Variants in ACTN2 observed in about 807,000 individuals in gnomAD.
ACTN2 encodes alpha-actinin-2.
A neutral mutation model predicts 113.8 loss-of-function variants in ACTN2; 39 were observed. The ratio of observed to expected loss-of-function variants is 0.34; its 90% CI spans 0.27 to 0.45. The LOEUF is 0.45. Ranked by LOEUF, ACTN2 falls within the 20% of genes least tolerant of loss-of-function variation. ACTN2 has a pLI of 1.00. For synonymous variants in ACTN2, 429 were observed against 444.1 expected (o/e 0.97, Z 0.43); for missense variants, 992 against 1,177.9 (o/e 0.84, Z 2.31).
chr1:236,731,157 G>A, intron 6 of ACTN2, 76 bp from the exon 7 acceptor site: 1 of 1,129,408 alleles, frequency 8.9e-7, no homozygotes, highest in Non-Finnish European at 1.3e-6. Context: ...CTAAAGTGAG[G>A]TACATAAGAA....
chr1:236,761,182 T>C lies in ACTN2; in HGVS notation c.2526+9T>C, dbSNP rs1246614050. ...TCCTGGCTTCTGATAAGGTCTGCAT[T>C]GACAGATTTCCTTCTGCTTTAGCAG... On this transcript the variant is annotated intron_variant, in intron 20 of 20. Transcript: ENST00000366578. 2 of 1,614,002 alleles carry C rather than the reference T, an allele frequency of 1.2e-6. No individual in the cohort carries two copies. The highest frequency in any genetic ancestry group is 1.3e-5 in the African/African-American group (1 of 74,934).
Position 236,737,298 on chromosome 1 carries a change from C to CATATATATAT in ACTN2, c.876+95_876+104dup, listed in dbSNP as rs67318171. 252 of 344,248 alleles carry CATATATATAT rather than the reference C, an allele frequency of 7.3e-4. 18 individuals are homozygous for CATATATATAT. The highest frequency in any genetic ancestry group is 9.0e-4 in the Non-Finnish European group (150 of 166,366). 21.3% of individuals were successfully genotyped at this position (344,248 alleles called of 1,614,324 possible). A position where few individuals can be genotyped will look rare whatever the true frequency, so the allele number is the denominator to read the frequency against. On this transcript the variant is annotated intron_variant, in intron 9 of 20. Coordinates refer to ENST00000366578, the MANE Select transcript of ACTN2 (RefSeq NM_001103.4). ...AGGGTGAAAAAATACTCCGTGGGGG[C>CATATATATAT]ATATATATATATATATATATTTTGC...
At chr1:236,735,485 G>T in intron 7 of ACTN2, 150 bp from the exon 8 acceptor site, 1 of 731,340 alleles carries the variant, frequency 1.4e-6, no homozygotes. Flanking sequence ...GCCTTCCTGA[G>T]GTTCGGGACC....
chr1:236,719,385 T>A (rs1360466471), intron 3 of ACTN2, among the ~76,000 whole-genome samples: 1 of 152,230 alleles, frequency 6.6e-6, no homozygotes, highest in Non-Finnish European at 1.5e-5. Context: ...AGCTGAGATT[T>A]CCACCCATAT....
intron 1 of ACTN2, among the ~76,000 whole-genome samples, chr1:236,707,191 T>C (rs1386875560): frequency 1.3e-5 from 2 of 152,378 alleles, no homozygotes; most frequent in African/African-American, 4.8e-5. Context: ...TCTGAACACT[T>C]TCTAACCAGA....
rs546293678 is a variant in ACTN2, at chr1:236,751,506, C to T, written c.1693C>T (p.Leu565=). 8.5e-5 allele frequency: 138 copies of T among 1,614,154 alleles called. No homozygotes were observed. In the South Asian group the frequency reaches 1.0e-3, roughly 12 times the overall value. ...ITAHEQFKAT[L]PEADGERQSI... is the part of the protein sequence containing the mutation. ...TGCGCATGAGCAGTTCAAGGCCACG[C>T]TGCCCGAGGCGGACGGAGAGCGGCA... is the stretch of plus-strand genomic sequence containing the variant. The change falls in exon 15 of 21, where the codon CTG becomes TTG. Residue 565 remains leucine (L), a synonymous_variant. Transcript: ENST00000366578.
At chr1:236,760,626 C>T (rs961295782) in intron 19 of ACTN2, among the ~76,000 whole-genome samples, 5 of 152,158 alleles carry the variant, frequency 3.3e-5, no homozygotes, top group South Asian at 2.1e-4. Context: ...AAACTACAGT[C>T]GTGACAGCCA....
intron 1 of ACTN2, among the ~76,000 whole-genome samples, chr1:236,705,088 G>T (rs1657786325): frequency 1.3e-5 from 2 of 152,296 alleles, no homozygotes; most frequent in South Asian, 4.1e-4. Context: ...TCCAGGGAAA[G>T]CCTGCTCCTG....
intron 20 of ACTN2, among the ~76,000 whole-genome samples, 185 bp from the exon 21 acceptor site, chr1:236,762,276 T>C (rs1659729199): frequency 6.6e-6 from 1 of 152,248 alleles, no homozygotes; most frequent in South Asian, 2.1e-4. Flanking sequence ...AGGCCGCTTC[T>C]AGATACGCTC....
chr1:236,739,469 G>A lies in ACTN2; in HGVS notation c.1044G>A (p.Leu348=). The change falls in exon 10 of 21, where the codon CTG becomes CTA. Residue 348 remains leucine (L), a synonymous_variant. Transcript: ENST00000366578. ...AGCTGGAGATCAACTTCAACACGCTGCAGACCAAGCTGCGGATCAGCAACC... is the reference window on the plus strand; with the variant it reads ...AGCTGGAGATCAACTTCAACACGCTACAGACCAAGCTGCGGATCAGCAACC... ...KCQLEINFNT[L]QTKLRISNRP... is the part of the protein sequence containing the mutation. 1 of 1,614,162 alleles carries A rather than the reference G, an allele frequency of 6.2e-7. No homozygotes were observed.
chr1:236,704,656 A>C (rs558540605), intron 1 of ACTN2, among the ~76,000 whole-genome samples: 1 of 152,302 alleles, frequency 6.6e-6, no homozygotes, highest in South Asian at 2.1e-4. Flanking sequence ...GATACTGATG[A>C]GGAGATGCAT....
chr1:236,725,735 T>A (rs1658529240), intron 4 of ACTN2, among the ~76,000 whole-genome samples, 198 bp from the exon 5 acceptor site: 1 of 152,236 alleles, frequency 6.6e-6, no homozygotes, highest in Admixed American at 6.5e-5. Context: ...GCTCCTGCAT[T>A]GTCCTTTTGA....
At chr1:236,705,797 T>G (rs1657807378) in intron 1 of ACTN2, among the ~76,000 whole-genome samples, 3 of 152,248 alleles carry the variant, frequency 2.0e-5, no homozygotes, top group African/African-American at 4.8e-5. Flanking sequence ...CCAGTATTAG[T>G]CGGGGCTAGA....
chr1:236,707,029 T>C (rs1657844266), intron 1 of ACTN2, among the ~76,000 whole-genome samples: 1 of 152,246 alleles, frequency 6.6e-6, no homozygotes, highest in South Asian at 2.1e-4. Context: ...TTTGCCTTTT[T>C]ACAAGAGTTA....
chr1:236,752,643 G>C (rs6677444), intron 15 of ACTN2, among the ~76,000 whole-genome samples: 141,239 of 152,204 alleles, frequency 0.93, 65,577 homozygotes, highest in South Asian at 0.95. Flanking sequence ...CCTCTTCCTC[G>C]TGGGTTCAAG....
At position 236,761,112 on chromosome 1, in the gene ACTN2, C is replaced by A; in HGVS notation, c.2465C>A (p.Thr822Lys). 1.2e-6 allele frequency: 2 copies of A among 1,614,182 alleles called. No homozygotes were observed. Among genetic ancestry groups the A allele is most frequent in the Non-Finnish European group, 1.7e-6 (2 of 1,180,030 alleles). The stretch of plus-strand genomic sequence containing the variant: ...TTCATCGACTTCATGACTAGAGAGA[C>A]GGCTGACACCGACACTGCCGAGCAG... Reference protein sequence around the residue: ...QSFIDFMTRETADTDTAEQVI... With the variant: ...QSFIDFMTREKADTDTAEQVI... The change falls in exon 20 of 21, where the codon ACG (threonine) becomes AAG (lysine). Residue 822 changes from threonine (T) to lysine (K), a missense_variant. Physicochemically the swap from Thr to Lys is moderately conservative, Grantham distance 78. Coordinates refer to ENST00000366578, the MANE Select transcript of ACTN2 (RefSeq NM_001103.4).
chr1:236,715,051 G>T (rs988480910), intron 1 of ACTN2, among the ~76,000 whole-genome samples: 1 of 152,062 alleles, frequency 6.6e-6, no homozygotes, highest in Non-Finnish European at 1.5e-5. Context: ...GCAAGAGACT[G>T]ATAGCTTCAT....
chr1:236,716,438 G>T (rs1054144528), intron 1 of ACTN2, among the ~76,000 whole-genome samples: 1 of 152,090 alleles, frequency 6.6e-6, no homozygotes, highest in Admixed American at 6.6e-5. Context: ...AGGAAATAGG[G>T]CACAAGTGGA....
At chr1:236,747,611 T>A in intron 12 of ACTN2, 56 bp from the exon 13 acceptor site, 3 of 1,490,094 alleles carry the variant, frequency 2.0e-6, no homozygotes, top group Non-Finnish European at 2.8e-6. Flanking sequence ...TAGCCCATGT[T>A]CATTTTCTCT....
Sources: gnomAD v4.1 joint callset for allele counts (sites outside exome capture counted in the v4.1 genomes callset) on GRCh38, gnomAD v4.1.1 for gene constraint, MANE v1.5 for transcripts, NCBI Gene and HGNC (gene_info 2026-07-23, HGNC 2026-07-21) for gene names.